ANKRD36: variants seen among roughly 807,000 people sequenced by gnomAD.
The protein encoded by ANKRD36 is ankyrin repeat domain 36, also known as ankyrin repeat domain-containing protein 36A.
In ANKRD36, 179 loss-of-function variants were observed where a neutral mutation model predicts 278.1. The observed-to-expected ratio is 0.64, with a 90% CI of 0.57 to 0.73. ANKRD36 has a LOEUF of 0.73. Among genes scored for constraint, ANKRD36 ranks in the 30% least tolerant of loss-of-function variants. The probability of loss-of-function intolerance (pLI) is 0.00; values close to 1 mark genes in which losing one functional copy is unlikely to be tolerated. For synonymous variants in ANKRD36, 320 were observed against 641.1 expected, an observed-to-expected ratio of 0.50 and a Z score of 7.57; for missense variants, 1,159 against 1,956.7, an observed-to-expected ratio of 0.59 and a Z score of 7.69.
intron 67 of ANKRD36, among the ~76,000 whole-genome samples, chr2:97,229,949 A>C (rs2153670910): frequency 6.6e-6 from 1 of 152,168 alleles, no homozygotes; most frequent in East Asian, 2.0e-4. Flanking sequence ...TTTCTTTAAG[A>C]ATGTTGAATA....
intron 6 of ANKRD36, among the ~76,000 whole-genome samples, chr2:97,129,438 G>C (rs1299350004): frequency 6.6e-6 from 1 of 151,962 alleles, no homozygotes; most frequent in East Asian, 1.9e-4. Context: ...TCACTCTGAT[G>C]GTAATTTCTT....
chr2:97,126,459 T>C (rs2038672678), intron 5 of ANKRD36, among the ~76,000 whole-genome samples: 1 of 152,014 alleles, frequency 6.6e-6, no homozygotes. Context: ...TTATGAATTA[T>C]GAAATAGTTG....
intron 20 of ANKRD36, among the ~76,000 whole-genome samples, chr2:97,166,669 A>G (rs1012833410): frequency 9.9e-5 from 15 of 152,264 alleles, no homozygotes; most frequent in African/African-American, 3.1e-4. Flanking sequence ...CTCGAACAGA[A>G]TATTGGATTA....
chr2:97,146,215 C>T (rs938293730), intron 10 of ANKRD36, among the ~76,000 whole-genome samples: 3 of 151,814 alleles, frequency 2.0e-5, no homozygotes, highest in African/African-American at 4.8e-5. Flanking sequence ...TATCCACCCA[C>T]CTCAGCCTCA....
intron 10 of ANKRD36, among the ~76,000 whole-genome samples, chr2:97,145,209 G>C (rs201161364): frequency 1.3e-5 from 2 of 151,708 alleles, no homozygotes; most frequent in Non-Finnish European, 2.9e-5. Flanking sequence ...GAAGTTATTT[G>C]TTTAATTTTA....
rs1158527240 is a variant in ANKRD36, at chr2:97,235,087, G to C, written c.4093+1216G>C. ...TGTCATATGTAAAAATGTTTGCCTA[G>C]CACAAGGTCACAAAGATTGTTCCTG... On this transcript the variant is annotated intron_variant, in intron 68 of 75. Transcript: ENST00000420699. Among the ~76,000 whole-genome samples the C allele has an allele frequency of 7.3e-5, 11 of 150,678 alleles. 1 individual carries two copies. Among genetic ancestry groups the C allele is most frequent in the African/African-American group, 2.7e-4 (11 of 40,316 alleles).
chr2:97,124,734 A>C, intron 5 of ANKRD36, 137 bp downstream of exon 5: 4 of 1,023,098 alleles, frequency 3.9e-6, no homozygotes, highest in Non-Finnish European at 1.4e-6. Context: ...CAAGTTTTTA[A>C]GTTTTCGAGA....
rs575236792 is a variant in ANKRD36 at position 97,191,268 on chromosome 2, C to T, written c.2347+87C>T. 157 of 1,346,592 alleles carry T rather than the reference C, an allele frequency of 1.2e-4. 6 individuals carry two copies. In the East Asian group the frequency reaches 2.5e-3, roughly 21 times the overall value. 83.4% of individuals were successfully genotyped at this position (1,346,592 alleles called of 1,614,324 possible). A position where few individuals can be genotyped will look rare whatever the true frequency, so the allele number is the denominator to read the frequency against. Reference sequence around the variant, plus strand: ...CTGAATGAATTGGCCTGGGGCTCGTCGAAGCTGCACATTATCATTCAGCTG... The same window carrying T: ...CTGAATGAATTGGCCTGGGGCTCGTTGAAGCTGCACATTATCATTCAGCTG... On this transcript the variant is annotated intron_variant, in intron 36 of 75. Transcript: ENST00000420699.
chr2:97,117,838 A>C (rs2035899553), intron 1 of ANKRD36, among the ~76,000 whole-genome samples: 1 of 151,994 alleles, frequency 6.6e-6, no homozygotes, highest in South Asian at 2.1e-4. Context: ...ATAACAGCTA[A>C]GTGACAGAGC....
At chr2:97,160,455 A>C (rs1427328120) in intron 17 of ANKRD36, among the ~76,000 whole-genome samples, 1 of 152,156 alleles carries the variant, frequency 6.6e-6, no homozygotes. Context: ...TATACCTTGC[A>C]CATAAATTTA....
chr2:97,155,733 G>A (rs1490328088), intron 15 of ANKRD36, among the ~76,000 whole-genome samples: 1 of 146,012 alleles, frequency 6.8e-6, no homozygotes, highest in Admixed American at 6.8e-5. Context: ...AGGCTTTTGT[G>A]CTTAGTTATT....
intron 20 of ANKRD36, among the ~76,000 whole-genome samples, chr2:97,165,149 C>T (rs1404099286): frequency 6.6e-6 from 1 of 152,212 alleles, no homozygotes; most frequent in South Asian, 2.1e-4. Flanking sequence ...AAATACTTTA[C>T]AAGATACTTG....
At chr2:97,146,203 G>T (rs1391486786) in intron 10 of ANKRD36, among the ~76,000 whole-genome samples, 42 of 151,542 alleles carry the variant, frequency 2.8e-4, no homozygotes, top group Non-Finnish European at 5.7e-4. Flanking sequence ...CTGACCTCAA[G>T]TTATCCACCC....
At chr2:97,184,557 C>T (rs1471135473) in intron 28 of ANKRD36, among the ~76,000 whole-genome samples, 1 of 151,410 alleles carries the variant, frequency 6.6e-6, no homozygotes, top group East Asian at 1.9e-4. Context: ...GACTGATATC[C>T]AAATGTAAAA....
chr2:97,121,619 C>T (rs1268901728), intron 3 of ANKRD36, among the ~76,000 whole-genome samples: 1 of 152,000 alleles, frequency 6.6e-6, no homozygotes, highest in Non-Finnish European at 1.5e-5. Context: ...GCACTCCAGC[C>T]TGGGCGACAG....
chr2:97,229,124 G>A (rs1370136922), intron 67 of ANKRD36, among the ~76,000 whole-genome samples: 1 of 151,762 alleles, frequency 6.6e-6, no homozygotes, highest in Non-Finnish European at 1.5e-5. Context: ...TTGATTTGGG[G>A]TGGAGAGTTC....
intron 11 of ANKRD36, among the ~76,000 whole-genome samples, chr2:97,147,218 C>T (rs1342943043): frequency 6.6e-6 from 1 of 151,876 alleles, no homozygotes; most frequent in African/African-American, 2.4e-5. Context: ...GTTAGGTTTT[C>T]TCTTTAAGTG....
chr2:97,243,859 C>T lies in ANKRD36; in HGVS notation c.4321C>T (p.Gln1441Ter). 4 of 1,600,516 alleles carry T rather than the reference C, an allele frequency of 2.5e-6. No homozygotes were observed. The highest frequency in any genetic ancestry group is 2.6e-6 in the Non-Finnish European group (3 of 1,176,190). ...ELCSLRFAIQ[Q>*]EKKKRRNVEE... The stretch of plus-strand genomic sequence containing the variant: ...GTATATTTACAGATTTGCCATACAG[C>T]AAGAAAAAAAGAAAAGAAGAAATGT... Residue 1441 changes from glutamine to a stop codon, truncating the protein, a stop_gained, in exon 70 of 76, where the codon CAA becomes TAA. Coordinates refer to ENST00000420699, the MANE Select transcript of ANKRD36 (RefSeq NM_001354587.1). LOFTEE classifies it high-confidence loss of function.
At chr2:97,186,173 GCTA>G (rs2057379154) in intron 30 of ANKRD36, among the ~76,000 whole-genome samples, 1 of 151,736 alleles carries the variant, frequency 6.6e-6, no homozygotes, top group African/African-American at 2.4e-5. Flanking sequence ...ACTTCTGTTT[GCTA>G]CTATTAGGCA....
Sources: allele counts gnomAD v4.1 joint callset (sites outside exome capture counted in the v4.1 genomes callset), GRCh38; gene constraint gnomAD v4.1.1; transcripts MANE v1.5; gene names NCBI Gene and HGNC (gene_info 2026-07-23, HGNC 2026-07-21).